CNTNAP2: variants seen among roughly 807,000 people sequenced by gnomAD.
CNTNAP2 encodes the protein contactin associated protein 2.
Under a neutral mutation model 155.2 loss-of-function variants are expected in CNTNAP2, and 98 were observed. That is an observed-to-expected ratio of 0.63 (90% CI 0.54 to 0.75). The LOEUF is 0.75. Among genes scored for constraint, CNTNAP2 ranks in the 30% least tolerant of loss-of-function variants. The pLI is 0.00. For missense variants in CNTNAP2, 1,727 were observed against 1,688.1 expected (o/e 1.02, Z -0.40); for synonymous variants, 651 against 631.2 (o/e 1.03, Z -0.47).
chr7:146,238,853 A>G (rs1799516474), intron 1 of CNTNAP2, among the ~76,000 whole-genome samples: 1 of 152,164 alleles, frequency 6.6e-6, no homozygotes, highest in Non-Finnish European at 1.5e-5. Flanking sequence ...TGCAGGAGGA[A>G]CTACCAAACA....
At chr7:148,006,873 C>G (rs532650818) in intron 15 of CNTNAP2, among the ~76,000 whole-genome samples, 13 of 152,270 alleles carry the variant, frequency 8.5e-5, no homozygotes, top group Non-Finnish European at 1.8e-4. Context: ...TAATTTGTAT[C>G]TTCAGGTTGA....
At chr7:147,659,618 A>T (rs555477561) in intron 13 of CNTNAP2, among the ~76,000 whole-genome samples, 65 of 152,324 alleles carry the variant, frequency 4.3e-4, no homozygotes, top group African/African-American at 1.5e-3. Context: ...GATAAGAGAG[A>T]AGAAATACAA....
At chr7:148,245,200 A>T (rs1308813983) in intron 20 of CNTNAP2, among the ~76,000 whole-genome samples, 1 of 152,184 alleles carries the variant, frequency 6.6e-6, no homozygotes, top group Non-Finnish European at 1.5e-5. Context: ...TGGCACATGG[A>T]GGAGCTTGGC....
chr7:147,914,654 C>T (rs1182292213), intron 14 of CNTNAP2, among the ~76,000 whole-genome samples: 3 of 152,164 alleles, frequency 2.0e-5, no homozygotes, highest in Admixed American at 1.3e-4. Context: ...TCGACCTCCC[C>T]AGGCTCAGGT....
chr7:146,380,555 T>G (rs1039498200), intron 1 of CNTNAP2, among the ~76,000 whole-genome samples: 1 of 152,098 alleles, frequency 6.6e-6, no homozygotes, highest in African/African-American at 2.4e-5. Context: ...TAACTGATCT[T>G]ATCTTTAACC....
intron 1 of CNTNAP2, among the ~76,000 whole-genome samples, chr7:146,408,638 G>C (rs1017185485): frequency 1.6e-5 from 2 of 127,216 alleles, no homozygotes; most frequent in African/African-American, 5.9e-5. Flanking sequence ...TGGGGGGAGG[G>C]GGGAGGGATA....
At chr7:147,752,941 C>T (rs896971156) in intron 13 of CNTNAP2, among the ~76,000 whole-genome samples, 3 of 152,174 alleles carry the variant, frequency 2.0e-5, no homozygotes, top group African/African-American at 2.4e-5. Flanking sequence ...TCACTGCATT[C>T]GTATCCTGCT....
intron 21 of CNTNAP2, among the ~76,000 whole-genome samples, chr7:148,286,914 T>G (rs1797094393): frequency 6.6e-6 from 1 of 152,216 alleles, no homozygotes; most frequent in Admixed American, 6.5e-5. Flanking sequence ...TACGTCATGT[T>G]TTTGGTGTTA....
chr7:147,529,791 A>G (rs34735908), intron 11 of CNTNAP2, among the ~76,000 whole-genome samples: 1 of 152,230 alleles, frequency 6.6e-6, no homozygotes, highest in African/African-American at 2.4e-5. Context: ...ATCGCTATCA[A>G]CAGAGCCGGA....
intron 1 of CNTNAP2, among the ~76,000 whole-genome samples, chr7:146,530,076 A>C (rs989368454): frequency 6.6e-6 from 1 of 152,176 alleles, no homozygotes; most frequent in Non-Finnish European, 1.5e-5. Context: ...TGTACTAAAA[A>C]ATATGGCAAA....
chr7:147,378,678 T>C (rs1431265418), intron 9 of CNTNAP2, among the ~76,000 whole-genome samples: 3 of 152,068 alleles, frequency 2.0e-5, no homozygotes, highest in Non-Finnish European at 2.9e-5. Flanking sequence ...ATGTGTAAGA[T>C]TTAATGTTTG....
intron 4 of CNTNAP2, among the ~76,000 whole-genome samples, chr7:147,060,347 C>T (rs1584811067): frequency 6.6e-6 from 1 of 152,050 alleles, no homozygotes; most frequent in Non-Finnish European, 1.5e-5. Context: ...GCAACAACAA[C>T]AAAAATATGT....
At position 148,121,096 on chromosome 7, in the gene CNTNAP2, G is replaced by A. The variant is rs570971558; in HGVS notation, c.2554+2808G>A. ...GTCGCCCAGGCTGGAGTGCAGTGGT[G>A]CAATCTCAGCTCACTGCAACCTCTG... On this transcript the variant is annotated intron_variant, in intron 16 of 23. Coordinates refer to ENST00000361727, the MANE Select transcript of CNTNAP2 (RefSeq NM_014141.6). Among the ~76,000 whole-genome samples, 41 of 151,922 alleles carry A rather than the reference G, an allele frequency of 2.7e-4. No homozygotes were observed. In the South Asian group the frequency reaches 7.1e-3, roughly 26 times the overall value.
Position 147,759,837 on chromosome 7 carries a change from C to T in CNTNAP2, c.2098+120531C>T, listed in dbSNP as rs541951409. Among the ~76,000 whole-genome samples, 262 of 152,218 alleles carry T rather than the reference C, an allele frequency of 1.7e-3. 2 individuals are homozygous for T. The highest frequency in any genetic ancestry group is 6.0e-3 in the African/African-American group (249 of 41,544). ...TAACATTTTCCACTGGGCCATATCCCACAACCCCAGGAGTTCTTCATTCAT... is the reference window on the plus strand; with the variant it reads ...TAACATTTTCCACTGGGCCATATCCTACAACCCCAGGAGTTCTTCATTCAT... On this transcript the variant is annotated intron_variant, in intron 13 of 23. Coordinates refer to ENST00000361727, the MANE Select transcript of CNTNAP2 (RefSeq NM_014141.6).
intron 1 of CNTNAP2, among the ~76,000 whole-genome samples, chr7:146,547,062 C>T (rs1000875835): frequency 5.3e-5 from 8 of 151,882 alleles, no homozygotes; most frequent in East Asian, 3.9e-4. Context: ...TTTTCAGCCA[C>T]GGTGTAAGTT....
chr7:147,854,208 A>C (rs1798998608), intron 13 of CNTNAP2, among the ~76,000 whole-genome samples: 1 of 152,184 alleles, frequency 6.6e-6, no homozygotes. Context: ...GGTAGAGAAG[A>C]GTTGCCGTTA....
In CNTNAP2 at chr7:147,345,656, A is replaced by G. The variant is rs1421893121; in HGVS notation, c.1498+45366A>G. On this transcript the variant is annotated intron_variant, in intron 9 of 23. Coordinates refer to ENST00000361727, the MANE Select transcript of CNTNAP2 (RefSeq NM_014141.6). Reference sequence around the variant, plus strand: ...AGATAAGGTGCCTATTTAAAAACTGATGTTCAAAAAAGCTGGTCAGTGATA... The same window carrying G: ...AGATAAGGTGCCTATTTAAAAACTGGTGTTCAAAAAAGCTGGTCAGTGATA... Among the ~76,000 whole-genome samples, 11 of 145,404 alleles carry G rather than the reference A, an allele frequency of 7.6e-5. No individual in the cohort carries two copies. The East Asian group carries it at 2.2e-3, about 29-fold the overall frequency.
intron 12 of CNTNAP2, among the ~76,000 whole-genome samples, chr7:147,629,351 T>C (rs1339720390): frequency 2.6e-5 from 4 of 151,392 alleles, no homozygotes; most frequent in Admixed American, 2.6e-4. Flanking sequence ...TGCAGTGAGT[T>C]GAGATTGCAC....
intron 10 of CNTNAP2, among the ~76,000 whole-genome samples, chr7:147,469,814 G>A (rs1298813010): frequency 6.6e-6 from 1 of 152,024 alleles, no homozygotes; most frequent in African/African-American, 2.4e-5. Flanking sequence ...CACTGAGCCC[G>A]GCCCAGGCTG....
Sources: gnomAD v4.1 joint callset for allele counts (sites outside exome capture counted in the v4.1 genomes callset) on GRCh38, gnomAD v4.1.1 for gene constraint, MANE v1.5 for transcripts, NCBI Gene and HGNC (gene_info 2026-07-23, HGNC 2026-07-21) for gene names.